Variants in IGF2BP2 observed in about 807,000 individuals in gnomAD.
IGF2BP2 encodes insulin-like growth factor 2 mRNA-binding protein 2.
A neutral mutation model predicts 75.8 loss-of-function variants in IGF2BP2; 17 were observed. The observed-to-expected ratio is 0.22, with a 90% CI of 0.15 to 0.34. The LOEUF (loss-of-function observed/expected upper bound fraction) is 0.34, where lower values mean the gene tolerates loss of function less well. Ranked by LOEUF, IGF2BP2 falls within the 10% of genes least tolerant of loss-of-function variation. The pLI is 1.00. For synonymous variants in IGF2BP2, 288 were observed against 295.6 expected (o/e 0.97, Z 0.26); for missense variants, 516 against 772.4 (o/e 0.67, Z 3.93).
chr3:185,658,475 C>G, intron 10 of IGF2BP2, 66 bp from the exon 11 acceptor site: 5 of 1,369,378 alleles, frequency 3.7e-6, no homozygotes, highest in Non-Finnish European at 5.1e-6. Flanking sequence ...CTCAGGGAGG[C>G]CAGATTCCCA....
At chr3:185,650,936 T>C (rs191661483) in intron 13 of IGF2BP2, among the ~76,000 whole-genome samples, 1 of 152,288 alleles carries the variant, frequency 6.6e-6, no homozygotes, top group East Asian at 1.9e-4. Context: ...TTTGAGACAG[T>C]CTTGCTCTGT....
At chr3:185,662,425 C>T (rs1274833976) in intron 10 of IGF2BP2, among the ~76,000 whole-genome samples, 1 of 150,638 alleles carries the variant, frequency 6.6e-6, no homozygotes, top group Non-Finnish European at 1.5e-5. Flanking sequence ...TTGCAGTGAG[C>T]CGAGATCATG....
At chr3:185,823,385 C>T (rs2150076897) in intron 1 of IGF2BP2, 172 bp from the exon 2 acceptor site, 1 of 488,042 alleles carries the variant, frequency 2.0e-6, no homozygotes, top group Non-Finnish European at 3.7e-6. Context: ...GAAAGGTGGG[C>T]GCCCCGTGTC....
At chr3:185,712,620 T>C (rs562022449) in intron 2 of IGF2BP2, 3 of 152,228 alleles carry the variant, frequency 2.0e-5, no homozygotes, top group Admixed American at 1.3e-4. Flanking sequence ...AATCTATGAT[T>C]TACCTCATTT....
chr3:185,693,943 G>A (rs996249786), intron 4 of IGF2BP2, among the ~76,000 whole-genome samples: 8 of 152,178 alleles, frequency 5.3e-5, no homozygotes, highest in African/African-American at 1.9e-4. Flanking sequence ...TTGTAGAAAT[G>A]TGAATTTTTC....
chr3:185,719,999 G>A (rs1158944029), intron 2 of IGF2BP2, among the ~76,000 whole-genome samples: 3 of 152,194 alleles, frequency 2.0e-5, no homozygotes, highest in African/African-American at 7.2e-5. Context: ...GGAAACAGCT[G>A]CAGATGTACA....
At chr3:185,679,993 A>G (rs1244723942) in intron 7 of IGF2BP2, among the ~76,000 whole-genome samples, 1 of 152,242 alleles carries the variant, frequency 6.6e-6, no homozygotes, top group African/African-American at 2.4e-5. Context: ...CAGAGCAGAG[A>G]TAAACAAATA....
intron 10 of IGF2BP2, among the ~76,000 whole-genome samples, chr3:185,659,434 C>T (rs903474749): frequency 6.6e-6 from 1 of 152,134 alleles, no homozygotes; most frequent in African/African-American, 2.4e-5. Flanking sequence ...AGTGAAGTGG[C>T]GCGATCTCGG....
At chr3:185,649,354 G>A in intron 14 of IGF2BP2, 49 bp downstream of exon 14, 1 of 1,605,198 alleles carries the variant, frequency 6.2e-7, no homozygotes, top group Non-Finnish European at 8.5e-7. Flanking sequence ...GGCAAGGCCA[G>A]AGCGGGGAAT....
In IGF2BP2 at chr3:185,652,939, G is replaced by C. The variant is rs576171895; in HGVS notation, c.1387-771C>G. ...CGAGTCTCCTGCCACAGCCTCCCAA[G>C]TAGCTAGGACTACAGGTATCTGCCA... On this transcript the variant is annotated intron_variant, in intron 12 of 15. Transcript: ENST00000382199. Among the ~76,000 whole-genome samples, 3 of 152,286 alleles carry C rather than the reference G, an allele frequency of 2.0e-5. No homozygotes were observed. The South Asian group carries it at 6.2e-4, about 32-fold the overall frequency.
chr3:185,820,204 ATGTG>A (rs377455853), intron 2 of IGF2BP2, among the ~76,000 whole-genome samples: 4,145 of 137,122 alleles, frequency 0.03, 84 homozygotes, highest in Middle Eastern at 0.051. Flanking sequence ...GGCATGCAGT[ATGTG>A]TGTGTGTGTA....
chr3:185,727,330 T>C (rs984864649), intron 2 of IGF2BP2, among the ~76,000 whole-genome samples: 49 of 151,974 alleles, frequency 3.2e-4, no homozygotes, highest in African/African-American at 1.2e-3. Flanking sequence ...TCTGGGCAGA[T>C]CCAGAGGCTG....
intron 10 of IGF2BP2, among the ~76,000 whole-genome samples, chr3:185,659,422 G>A (rs1460966050): frequency 1.3e-5 from 2 of 152,202 alleles, no homozygotes; most frequent in Non-Finnish European, 2.9e-5. Context: ...CGCCCAGGCT[G>A]GAGTGAAGTG....
chr3:185,768,654 G>A (rs1206442105), intron 2 of IGF2BP2, among the ~76,000 whole-genome samples: 1 of 152,234 alleles, frequency 6.6e-6, no homozygotes, highest in East Asian at 1.9e-4. Flanking sequence ...CAGATCATGT[G>A]ACTAGGACAG....
chr3:185,721,749 A>T (rs1726582521), intron 2 of IGF2BP2, among the ~76,000 whole-genome samples: 1 of 152,010 alleles, frequency 6.6e-6, no homozygotes, highest in East Asian at 1.9e-4. Context: ...CTCTCATCTG[A>T]AAAGTCATGA....
intron 2 of IGF2BP2, chr3:185,713,579 G>A: frequency 2.1e-6 from 1 of 478,952 alleles, no homozygotes; most frequent in Admixed American, 2.3e-5. Context: ...TTCACATGGA[G>A]CTCTTTCTCG....
chr3:185,809,991 A>T (rs1739582271), intron 2 of IGF2BP2, among the ~76,000 whole-genome samples: 1 of 152,198 alleles, frequency 6.6e-6, no homozygotes, highest in Admixed American at 6.5e-5. Context: ...AAGCGTTAAG[A>T]TCCATCACAA....
At chr3:185,668,956 C>T (rs778458214) in intron 10 of IGF2BP2, among the ~76,000 whole-genome samples, 4 of 152,182 alleles carry the variant, frequency 2.6e-5, no homozygotes, top group East Asian at 1.9e-4. Flanking sequence ...TTCAAATGCA[C>T]GCAGTCTGCT....
intron 2 of IGF2BP2, among the ~76,000 whole-genome samples, chr3:185,802,893 T>C (rs992424112): frequency 6.6e-6 from 1 of 152,244 alleles, no homozygotes. Context: ...AGTGCTAATG[T>C]AGCAGGGGTA....
Sources: gnomAD v4.1 joint callset for allele counts (sites outside exome capture counted in the v4.1 genomes callset) on GRCh38, gnomAD v4.1.1 for gene constraint, MANE v1.5 for transcripts, NCBI Gene and HGNC (gene_info 2026-07-23, HGNC 2026-07-21) for gene names.